Variants in MACROD2 observed in about 807,000 individuals in gnomAD.
MACROD2 encodes ADP-ribose glycohydrolase MACROD2.
A neutral mutation model predicts 70.4 loss-of-function variants in MACROD2; 36 were observed. That is an observed-to-expected ratio of 0.51 (90% CI 0.39 to 0.68). The LOEUF (loss-of-function observed/expected upper bound fraction) is 0.68. Ranked by LOEUF, MACROD2 falls within the 30% of genes least tolerant of loss-of-function variation. The pLI is 0.00. For synonymous variants in MACROD2, 172 were observed against 178.8 expected (o/e 0.96, Z 0.30); for missense variants, 496 against 538.4 (o/e 0.92, Z 0.78).
At chr20:15,279,949 C>T (rs1429033886) in intron 6 of MACROD2, among the ~76,000 whole-genome samples, 1 of 152,188 alleles carries the variant, frequency 6.6e-6, no homozygotes, top group East Asian at 1.9e-4. Context: ...TCAAGGACTT[C>T]ACCTTTCATC....
At chr20:14,462,235 G>A (rs2084381285) in intron 3 of MACROD2, among the ~76,000 whole-genome samples, 1 of 152,134 alleles carries the variant, frequency 6.6e-6, no homozygotes, top group African/African-American at 2.4e-5. Context: ...TCTAACTGGT[G>A]TGAGATGGTA....
intron 12 of MACROD2, among the ~76,000 whole-genome samples, chr20:15,940,371 C>T (rs1339424398): frequency 6.6e-6 from 1 of 152,050 alleles, no homozygotes; most frequent in East Asian, 1.9e-4. Flanking sequence ...GCTGGGATTA[C>T]AGGCAAGCAC....
At chr20:14,693,363 G>C (rs1043842570) in intron 5 of MACROD2, among the ~76,000 whole-genome samples, 1 of 152,190 alleles carries the variant, frequency 6.6e-6, no homozygotes, top group African/African-American at 2.4e-5. Flanking sequence ...CCTGAGGTCA[G>C]GCACAAGCAA....
At chr20:15,367,292 C>A (rs2045424897) in intron 6 of MACROD2, among the ~76,000 whole-genome samples, 1 of 152,154 alleles carries the variant, frequency 6.6e-6, no homozygotes, top group Admixed American at 6.5e-5. Context: ...TCCCAAAGTG[C>A]TGGGATTACA....
At chr20:14,888,400 G>C (rs991539579) in intron 5 of MACROD2, 1 of 152,210 alleles carries the variant, frequency 6.6e-6, no homozygotes, top group African/African-American at 2.4e-5. Context: ...GAGCTGGCAT[G>C]CTGCTTCAGA....
At chr20:15,995,665 T>TTTTTTTTTTTTTTTTC (rs2066620402) in intron 15 of MACROD2, among the ~76,000 whole-genome samples, 1 of 142,616 alleles carries the variant, frequency 7.0e-6, no homozygotes, top group Non-Finnish European at 1.5e-5. Flanking sequence ...TTTTTTTTTT[T>TTTTTTTTTTTTTTTTC]TTTTAACTTT....
At chr20:15,837,785 T>C (rs2064130341) in intron 8 of MACROD2, among the ~76,000 whole-genome samples, 1 of 152,220 alleles carries the variant, frequency 6.6e-6, no homozygotes, top group African/African-American at 2.4e-5. Flanking sequence ...TCTCTGATGA[T>C]GTACGAAAGA....
intron 7 of MACROD2, among the ~76,000 whole-genome samples, chr20:15,475,265 G>C (rs541221928): frequency 3.9e-5 from 6 of 152,116 alleles, no homozygotes; most frequent in Admixed American, 2.0e-4. Context: ...ACCAAGGTAG[G>C]ACTGTATAGT....
At chr20:14,119,848 T>A (rs1405305155) in intron 3 of MACROD2, among the ~76,000 whole-genome samples, 1 of 152,006 alleles carries the variant, frequency 6.6e-6, no homozygotes, top group Non-Finnish European at 1.5e-5. Context: ...ACAAGGAACT[T>A]AAATTTATAA....
rs529165123 is a variant in MACROD2 at position 15,133,716 on chromosome 20, C to A, written c.419-96224C>A. On this transcript the variant is annotated intron_variant, in intron 5 of 17. Transcript: ENST00000684519. ...ACCAACATGTTTGTACAATGATGTT[C>A]ATTCCAGCTTTATTTATACACCCTC... is the stretch of plus-strand genomic sequence containing the variant. Among the ~76,000 whole-genome samples the A allele has an allele frequency of 4.4e-4, 67 of 152,166 alleles. 1 individual carries two copies. The South Asian group carries it at 0.011, about 25-fold the overall frequency.
Position 14,230,654 on chromosome 20 carries a change from T to TATATATATATATATATAAAAAA in MACROD2, c.271+144927_271+144928insTATATATATATATATAAAAAAA. ...GTTTATATATATATATATATATATA[T>TATATATATATATATATAAAAAA]AACACAGGCTGGGCCTATATATATA... On this transcript the variant is annotated intron_variant, in intron 3 of 17. Coordinates refer to ENST00000684519, the MANE Select transcript of MACROD2 (RefSeq NM_001351661.2). 3.0e-4 allele frequency among the ~76,000 whole-genome samples: 22 copies of TATATATATATATATATAAAAAA among 74,240 alleles called. 1 individual carries two copies. Among genetic ancestry groups the TATATATATATATATATAAAAAA allele is most frequent in the African/African-American group, 1.1e-3 (16 of 14,824 alleles). The allele number at this position is 74,240 out of a possible 152,430, so 48.7% of individuals were successfully genotyped here.
chr20:14,218,104 G>A (rs1033884757), intron 3 of MACROD2, among the ~76,000 whole-genome samples: 2 of 152,140 alleles, frequency 1.3e-5, no homozygotes, highest in African/African-American at 4.8e-5. Flanking sequence ...GTCTAGTGCT[G>A]TCAGTGGAAT....
At chr20:14,235,656 C>T (rs2081862428) in intron 3 of MACROD2, among the ~76,000 whole-genome samples, 1 of 152,178 alleles carries the variant, frequency 6.6e-6, no homozygotes, top group Admixed American at 6.5e-5. Context: ...TAGACTTCTA[C>T]AACTAGAGCA....
chr20:14,354,482 T>TG (rs1250944842), intron 3 of MACROD2, among the ~76,000 whole-genome samples: 2 of 152,248 alleles, frequency 1.3e-5, no homozygotes, highest in Non-Finnish European at 2.9e-5. Flanking sequence ...CTTTGCTTGC[T>TG]ATATCCTAGC....
chr20:14,795,787 C>T (rs140156847), intron 5 of MACROD2, among the ~76,000 whole-genome samples: 100 of 152,130 alleles, frequency 6.6e-4, no homozygotes, highest in South Asian at 3.1e-3. Flanking sequence ...GAACATCCAG[C>T]ATTGTAAAGA....
At chr20:15,893,389 C>T (rs145521035) in intron 10 of MACROD2, among the ~76,000 whole-genome samples, 2 of 152,342 alleles carry the variant, frequency 1.3e-5, no homozygotes, top group African/African-American at 2.4e-5. Flanking sequence ...CTGATAAATA[C>T]ATTCTGAGTC....
At chr20:15,470,217 T>C (rs933103306) in intron 7 of MACROD2, among the ~76,000 whole-genome samples, 3 of 151,990 alleles carry the variant, frequency 2.0e-5, no homozygotes, top group African/African-American at 7.2e-5. Flanking sequence ...ACCCAGCTAA[T>C]TTTTTGTATT....
At chr20:14,645,939 A>T (rs1985366541) in intron 4 of MACROD2, among the ~76,000 whole-genome samples, 1 of 151,910 alleles carries the variant, frequency 6.6e-6, no homozygotes. Context: ...TCAATAATAC[A>T]TACTCCCTGG....
intron 6 of MACROD2, among the ~76,000 whole-genome samples, chr20:15,325,944 T>C (rs1263504341): frequency 6.6e-6 from 1 of 152,192 alleles, no homozygotes; most frequent in Non-Finnish European, 1.5e-5. Context: ...TGTGACATTT[T>C]TATATCCATC....
Sources: gnomAD v4.1 joint callset for allele counts (sites outside exome capture counted in the v4.1 genomes callset) on GRCh38, gnomAD v4.1.1 for gene constraint, MANE v1.5 for transcripts, NCBI Gene and HGNC (gene_info 2026-07-23, HGNC 2026-07-21) for gene names.